Variants in JARID2 observed in about 807,000 individuals in gnomAD.
JARID2 encodes the protein jumonji and AT-rich interaction domain containing 2, also known as protein Jumonji.
Under a neutral mutation model 125.6 loss-of-function variants are expected in JARID2, and 21 were observed. That is an observed-to-expected ratio of 0.17 (90% confidence interval 0.12 to 0.24). The LOEUF (loss-of-function observed/expected upper bound fraction) is 0.24, where lower values mean the gene tolerates loss of function less well. Ranked by LOEUF, JARID2 falls within the 10% of genes least tolerant of loss-of-function variation. JARID2 has a pLI of 1.00. For synonymous variants in JARID2, 736 were observed against 661.6 expected (o/e 1.11, Z -1.73); for missense variants, 1,303 against 1,639.6 (o/e 0.79, Z 3.55).
At chr6:15,509,021 C>T in intron 12 of JARID2, 1 of 1,289,298 alleles carries the variant, frequency 7.8e-7, no homozygotes, top group South Asian at 1.2e-5. Context: ...GTAGAGTTGA[C>T]TTGGGAATCT....
intron 3 of JARID2, among the ~76,000 whole-genome samples, chr6:15,442,684 C>G (rs570589004): frequency 7.7e-4 from 117 of 152,122 alleles, no homozygotes; most frequent in Non-Finnish European, 1.5e-3. Flanking sequence ...TTGTGACTGA[C>G]AGAACAAAAG....
At chr6:15,511,023 T>A (rs1771252548) in intron 12 of JARID2, among the ~76,000 whole-genome samples, 1 of 152,200 alleles carries the variant, frequency 6.6e-6, no homozygotes, top group Admixed American at 6.5e-5. Flanking sequence ...GCTTTTTGGC[T>A]CACCAGGTGG....
intron 5 of JARID2, among the ~76,000 whole-genome samples, chr6:15,477,482 G>GGA (rs1180537224): frequency 1.4e-5 from 2 of 145,768 alleles, no homozygotes; most frequent in African/African-American, 5.1e-5. Flanking sequence ...CCAAAAAGTT[G>GGA]GAATATGGGA....
chr6:15,495,534 C>T (rs941895378), intron 6 of JARID2, among the ~76,000 whole-genome samples: 3 of 152,208 alleles, frequency 2.0e-5, no homozygotes, highest in African/African-American at 7.2e-5. Flanking sequence ...TGGGCCTGGC[C>T]TGCCACCCGG....
At chr6:15,383,676 C>G (rs909619886) in intron 2 of JARID2, among the ~76,000 whole-genome samples, 6 of 152,114 alleles carry the variant, frequency 3.9e-5, no homozygotes, top group African/African-American at 1.4e-4. Flanking sequence ...TTATCAAGGT[C>G]AGTAATGATT....
chr6:15,437,342 C>G (rs1055470366), intron 3 of JARID2, among the ~76,000 whole-genome samples: 1 of 152,180 alleles, frequency 6.6e-6, no homozygotes, highest in Non-Finnish European at 1.5e-5. Context: ...CCTTCATTAT[C>G]CATTCCCTAA....
intron 2 of JARID2, among the ~76,000 whole-genome samples, chr6:15,378,651 C>CT (rs1032685090): frequency 2.6e-5 from 4 of 152,094 alleles, no homozygotes; most frequent in South Asian, 2.1e-4. Context: ...GAATCCAGTA[C>CT]TTTTTTGCAA....
At chr6:15,474,401 T>G (rs570214980) in intron 5 of JARID2, among the ~76,000 whole-genome samples, 1 of 152,316 alleles carries the variant, frequency 6.6e-6, no homozygotes, top group Non-Finnish European at 1.5e-5. Context: ...TTTTGTCTGT[T>G]CATTTCTTAG....
chr6:15,512,023 T>C (rs1337600377), intron 13 of JARID2, among the ~76,000 whole-genome samples, 185 bp from the exon 14 acceptor site: 3 of 152,212 alleles, frequency 2.0e-5, no homozygotes, highest in Non-Finnish European at 2.9e-5. Context: ...GAACCTGTCA[T>C]CACTCTTGGA....
intron 1 of JARID2, among the ~76,000 whole-genome samples, chr6:15,319,299 A>G (rs926996413): frequency 6.6e-6 from 1 of 151,922 alleles, no homozygotes; most frequent in African/African-American, 2.4e-5. Flanking sequence ...TAATTTTAAA[A>G]GAGTTGCTCT....
intron 1 of JARID2, chr6:15,248,678 T>G (rs577575434): frequency 1.0e-4 from 16 of 153,044 alleles, no homozygotes; most frequent in Admixed American, 9.2e-4. Context: ...CCAGCCCTTC[T>G]TCCCTCCCTC....
rs749487886 is a variant in JARID2, at chr6:15,496,404, C to T, written c.1179C>T (p.Leu393=). ...AAACCCGCAAACAGGTGCTATCCCTCGGGGGGGCGTCCAAGTCCACTGGGC... is the reference window on the plus strand; with the variant it reads ...AAACCCGCAAACAGGTGCTATCCCTTGGGGGGGCGTCCAAGTCCACTGGGC... The part of the protein sequence containing the change: ...NAKTRKQVLS[L]GGASKSTGPA... Residue 393 remains leucine (L), a synonymous_variant, in exon 7 of 18, where the codon CTC becomes CTT. Transcript: ENST00000341776. The T allele has an allele frequency of 7.4e-6, 12 of 1,613,630 alleles. No individual in the cohort carries two copies. The highest frequency in any genetic ancestry group is 6.7e-5 in the East Asian group (3 of 44,886).
chr6:15,366,509 C>CGGGGGGGGCG (rs1763980433), intron 1 of JARID2, among the ~76,000 whole-genome samples: 1 of 4,876 alleles, frequency 2.1e-4, no homozygotes, highest in African/African-American at 5.5e-4. Context: ...GGGTGGGGGG[C>CGGGGGGGGCG]GGGGGGGGCG....
At chr6:15,265,500 AGTAACATTCCAGAT>A (rs911172401) in intron 1 of JARID2, among the ~76,000 whole-genome samples, 3 of 152,096 alleles carry the variant, frequency 2.0e-5, no homozygotes, top group Admixed American at 2.0e-4. Flanking sequence ...ATATCTGTGC[AGTAACATTCCAGAT>A]TTGGCTCTGT....
chr6:15,427,632 A>AC (rs989181698), intron 3 of JARID2, among the ~76,000 whole-genome samples: 15 of 151,522 alleles, frequency 9.9e-5, no homozygotes, highest in African/African-American at 3.4e-4. Context: ...GCCTTTTCAC[A>AC]CCCCCAAAGG....
At chr6:15,287,789 A>G (rs1761059375) in intron 1 of JARID2, among the ~76,000 whole-genome samples, 1 of 152,230 alleles carries the variant, frequency 6.6e-6, no homozygotes, top group South Asian at 2.1e-4. Context: ...CATGTTAAAC[A>G]TGCCCATAGC....
intron 5 of JARID2, among the ~76,000 whole-genome samples, chr6:15,484,381 G>A (rs544845065): frequency 1.3e-5 from 2 of 152,352 alleles, no homozygotes; most frequent in Non-Finnish European, 2.9e-5. Flanking sequence ...TGACCCAGAG[G>A]AGTAGGAGGT....
At chr6:15,292,389 T>G (rs1761260297) in intron 1 of JARID2, among the ~76,000 whole-genome samples, 1 of 152,208 alleles carries the variant, frequency 6.6e-6, no homozygotes, top group African/African-American at 2.4e-5. Context: ...TGTAATTTTC[T>G]ATACAGTGAA....
In JARID2 at chr6:15,521,811, T is replaced by C. The variant is rs1166656667; in HGVS notation, c.*1560T>C. 4 of 152,242 alleles carry C rather than the reference T, an allele frequency of 2.6e-5. No homozygotes were observed. The highest frequency in any genetic ancestry group is 1.9e-4 in the East Asian group (1 of 5,196). The allele number at this position is 152,242 out of a possible 1,614,324, so 9.4% of individuals were successfully genotyped here. On this transcript the variant is annotated 3_prime_UTR_variant, in exon 18 of 18. Transcript: ENST00000341776. Reference sequence around the variant, plus strand: ...ACAGAAACAGTCAAGTGTTTTCCAATGTGGTTGTCCGGTTTCTATGGCCTT... The same window carrying C: ...ACAGAAACAGTCAAGTGTTTTCCAACGTGGTTGTCCGGTTTCTATGGCCTT...
Sources: allele counts gnomAD v4.1 joint callset (sites outside exome capture counted in the v4.1 genomes callset), GRCh38; gene constraint gnomAD v4.1.1; transcripts MANE v1.5; gene names NCBI Gene and HGNC (gene_info 2026-07-23, HGNC 2026-07-21).